The following ADAMTSL5 variants were observed in gnomAD, a reference collection of about 807,000 sequenced individuals.
The protein encoded by ADAMTSL5 is ADAMTS-like protein 5.
A neutral mutation model predicts 51.7 loss-of-function variants in ADAMTSL5; 53 were observed. The ratio of observed to expected loss-of-function variants is 1.03; its 90% confidence interval spans 0.82 to 1.29. ADAMTSL5 has a LOEUF of 1.29. Among genes scored for constraint, ADAMTSL5 ranks in the 50% most tolerant of loss-of-function variants. ADAMTSL5 has a pLI of 0.00. For synonymous variants in ADAMTSL5, 285 were observed against 278.7 expected (o/e 1.02, Z -0.23); for missense variants, 770 against 676.2 (o/e 1.14, Z -1.54).
At chr19:1,507,904 A>C in intron 7 of ADAMTSL5, 94 bp downstream of exon 7, 2 of 1,342,486 alleles carry the variant, frequency 1.5e-6, no homozygotes, top group Non-Finnish European at 2.1e-6. Context: ...TGGGCCGCAC[A>C]CTGGCCAATC....
rs767007807 is a variant in ADAMTSL5, at chr19:1,507,441, T to C, written c.689-36A>G. ...ACAGTCAGCCCTCAGGAACCTGTCG[T>C]CTCGTCTCCCAGACCCTGGGGTCCC... On this transcript the variant is annotated intron_variant, in intron 8 of 11. Transcript: ENST00000330475. 4.4e-6 allele frequency: 7 copies of C among 1,596,586 alleles called. No individual in the cohort carries two copies. In the South Asian group the frequency reaches 5.7e-5, roughly 13 times the overall value.
Position 1,508,068 on chromosome 19 carries a change from C to T in ADAMTSL5, c.531G>A (p.Glu177=). The T allele has an allele frequency of 6.2e-7, 1 of 1,610,712 alleles. No individual in the cohort carries two copies. The highest frequency in any genetic ancestry group is 8.5e-7 in the Non-Finnish European group (1 of 1,179,168). Residue 177 remains glutamate (E), a synonymous_variant, in exon 7 of 12, where the codon GAG becomes GAA. Transcript: ENST00000330475. ...CDGLLGSGAL[E]DRCGRCGGAN... ...CGCCTCCGCAGCGGCCACAGCGGTCCTCGAGGGCACCCGAGCCCAACAACC... is the reference window on the plus strand; with the variant it reads ...CGCCTCCGCAGCGGCCACAGCGGTCTTCGAGGGCACCCGAGCCCAACAACC...
At chr19:1,509,625 G>GAA (rs59413878) in intron 5 of ADAMTSL5, among the ~76,000 whole-genome samples, 13 of 128,426 alleles carry the variant, frequency 1.0e-4, no homozygotes, top group Admixed American at 2.4e-4. Flanking sequence ...AGGAAGGAAG[G>GAA]GAGGGAGGGA....
chr19:1,506,192 G>C lies in ADAMTSL5; in HGVS notation c.1239C>G (p.Gly413=). Residue 413 remains glycine, a synonymous_variant, in exon 12 of 12, where the codon GGC becomes GGG. Transcript: ENST00000330475. This position sits in a 1 kb window ranked among gnomAD's most constrained non-coding sequence, Gnocchi z 5.6. The part of the protein sequence containing the change: ...LRAREYVWAP[G]HCPCPMLAPH... ...GTGCCAGCATCGGGCAGGGGCAGTGGCCTGGCGCCCACACGTACTCGCGTG... is the reference window on the plus strand; with the variant it reads ...GTGCCAGCATCGGGCAGGGGCAGTGCCCTGGCGCCCACACGTACTCGCGTG... The C allele has an allele frequency of 6.2e-7, 1 of 1,608,596 alleles. No homozygotes were observed. Among genetic ancestry groups the C allele is most frequent in the Non-Finnish European group, 8.5e-7 (1 of 1,177,050 alleles).
rs550456872 is a variant in ADAMTSL5, at chr19:1,506,304, C to T, written c.1127G>A (p.Arg376Gln). The T allele has an allele frequency of 2.5e-5, 39 of 1,547,286 alleles. No homozygotes were observed. The highest frequency in any genetic ancestry group is 1.6e-4 in the South Asian group (13 of 80,350). ...YCGSDFVFQA[R>Q]VLGHHHQAQE... Reference sequence around the variant, plus strand: ...GGCCTGGTGGTGGTGGCCCAGCACTCGGGCCTGGAACACTGTTGAGGGGAC... The same window carrying T: ...GGCCTGGTGGTGGTGGCCCAGCACTTGGGCCTGGAACACTGTTGAGGGGAC... Residue 376 changes from arginine to glutamine, a missense_variant, in exon 12 of 12, where the codon CGA (arginine) becomes CAA (glutamine). Coordinates refer to ENST00000330475, the MANE Select transcript of ADAMTSL5 (RefSeq NM_213604.3). The surrounding 1 kb of genome is among the most constrained non-coding windows in gnomAD (Gnocchi z 5.6).
At chr19:1,509,822 G>A (rs1401987453) in intron 5 of ADAMTSL5, among the ~76,000 whole-genome samples, 2 of 152,102 alleles carry the variant, frequency 1.3e-5, no homozygotes, top group African/African-American at 2.4e-5. Context: ...GCACTGACCC[G>A]GGCACGTAGT....
chr19:1,511,053 C>T lies in ADAMTSL5; in HGVS notation c.-110G>A, dbSNP rs562134662. 2.0e-4 allele frequency: 171 copies of T among 871,888 alleles called. No individual in the cohort carries two copies. The highest frequency in any genetic ancestry group is 2.3e-4 in the Non-Finnish European group (150 of 640,558). The allele number at this position is 871,888 out of a possible 1,614,324, so 54.0% of individuals were successfully genotyped here. On this transcript the variant is annotated 5_prime_UTR_variant, in exon 2 of 12. Transcript: ENST00000330475. ...AGCCCTACCTCTCGTCTCTGAAAAA[C>T]GGGGTAATAGAGCCTCCCTTACAGG...
chr19:1,507,407 T>C lies in ADAMTSL5; in HGVS notation c.689-2A>G. 6.3e-7 allele frequency: 1 copy of C among 1,580,250 alleles called. No homozygotes were observed. Among genetic ancestry groups the C allele is most frequent in the South Asian group, 1.2e-5 (1 of 85,334 alleles). On this transcript the variant is annotated splice_acceptor_variant, in intron 8 of 11. Coordinates refer to ENST00000330475, the MANE Select transcript of ADAMTSL5 (RefSeq NM_213604.3). LOFTEE classifies it high-confidence loss of function. ...AGCGCCCATCGCCCCCCATCAGTGC[T>C]GCAAGGGAACAGTCAGCCCTCAGGA...
chr19:1,507,184 G>T, intron 9 of ADAMTSL5, 58 bp downstream of exon 9: 1 of 1,482,026 alleles, frequency 6.7e-7, no homozygotes, highest in Non-Finnish European at 9.0e-7. Context: ...TCTGTCCCCA[G>T]CCTCTCCCCT....
rs1913185332 is a variant in ADAMTSL5 at position 1,510,215 on chromosome 19, G to A, written c.296C>T (p.Ala99Val). 3.7e-6 allele frequency: 6 copies of A among 1,613,352 alleles called. No homozygotes were observed. The highest frequency in any genetic ancestry group is 5.1e-6 in the Non-Finnish European group (6 of 1,179,936). Residue 99 changes from alanine (A) to valine (V), a missense_variant, in exon 5 of 12, where the codon GCC becomes GTC. Coordinates refer to ENST00000330475, the MANE Select transcript of ADAMTSL5 (RefSeq NM_213604.3). ...GAVPFRDLQC[A>V]LYNGRPVLGT... The stretch of plus-strand genomic sequence containing the variant: ...CAGGACAGGGCGGCCATTGTACAGG[G>A]CACACTGTAGGTCTCGGAAGGGCAC...
chr19:1,510,705 A>G lies in ADAMTSL5; in HGVS notation c.125T>C (p.Val42Ala). 1 of 1,541,962 alleles carries G rather than the reference A, an allele frequency of 6.5e-7. No homozygotes were observed. Among genetic ancestry groups the G allele is most frequent in the Non-Finnish European group, 8.7e-7 (1 of 1,142,880 alleles). Residue 42 changes from valine (V) to alanine (A), a missense_variant, in exon 3 of 12, where the codon GTG becomes GCG. Val to Ala is a moderately conservative substitution (Grantham distance 64). Coordinates refer to ENST00000330475, the MANE Select transcript of ADAMTSL5 (RefSeq NM_213604.3). Reference sequence around the variant, plus strand: ...GGAGCTGGAGCAGCGGGTCCAGGACACCCACGGGGTCCACTCGCCCGGACC... The same window carrying G: ...GGAGCTGGAGCAGCGGGTCCAGGACGCCCACGGGGTCCACTCGCCCGGACC... ...AQGPGEWTPWVSWTRCSSSCG... is the reference protein window; with the variant it reads ...AQGPGEWTPWASWTRCSSSCG...
chr19:1,510,139 A>T lies in ADAMTSL5; in HGVS notation c.361+11T>A. 5.6e-6 allele frequency: 9 copies of T among 1,601,232 alleles called. No individual in the cohort carries two copies. Among genetic ancestry groups the T allele is most frequent in the Non-Finnish European group, 7.7e-6 (9 of 1,172,648 alleles). On this transcript the variant is annotated intron_variant, in intron 5 of 11. Coordinates refer to ENST00000330475, the MANE Select transcript of ADAMTSL5 (RefSeq NM_213604.3). ...GGACCAATTCTGACCACAGGAGACC[A>T]GACTACTCACCCCCATGGAAGGGCA... is the stretch of plus-strand genomic sequence containing the variant.
chr19:1,507,068 C>A (rs1912972817), intron 9 of ADAMTSL5, 140 bp from the exon 10 acceptor site: 4 of 1,251,998 alleles, frequency 3.2e-6, no homozygotes, highest in East Asian at 2.6e-5. Context: ...CCTAGCTGAT[C>A]CCCTCTGACC....
At chr19:1,511,333 G>A (rs573707616) in intron 1 of ADAMTSL5, among the ~76,000 whole-genome samples, 173 bp from the exon 2 acceptor site, 60 of 152,096 alleles carry the variant, frequency 3.9e-4, no homozygotes, top group South Asian at 1.0e-3. Context: ...CCACCACGCC[G>A]GACTAATTTT....
Position 1,506,069 on chromosome 19 carries a change from C to A in ADAMTSL5, c.1362G>T (p.Trp454Cys). The A allele has an allele frequency of 6.3e-7, 1 of 1,596,506 alleles. No individual in the cohort carries two copies. The highest frequency in any genetic ancestry group is 8.5e-7 in the Non-Finnish European group (1 of 1,175,706). The stretch of plus-strand genomic sequence containing the variant: ...GTATGCGGCTGTCCTCCGCAGGGCT[C>A]CAGGGCCGGGCGTAGCCGGCGTGGG... Reference protein sequence around the residue: ...LLPHAGYARPWSPAEDSRIRL... With the variant: ...LLPHAGYARPCSPAEDSRIRL... Residue 454 changes from tryptophan to cysteine, a missense_variant, in exon 12 of 12, where the codon TGG (tryptophan) becomes TGT (cysteine). Trp to Cys is a radical substitution (Grantham distance 215). Coordinates refer to ENST00000330475, the MANE Select transcript of ADAMTSL5 (RefSeq NM_213604.3). The surrounding 1 kb of genome is among the most constrained non-coding windows in gnomAD (Gnocchi z 5.6).
In ADAMTSL5 at chr19:1,510,266, C is replaced by G; in HGVS notation, c.253-8G>C. The G allele has an allele frequency of 1.2e-6, 2 of 1,613,182 alleles. No individual in the cohort carries two copies. Among genetic ancestry groups the G allele is most frequent in the South Asian group, 2.2e-5 (2 of 90,930 alleles). ...AGCCCCTGGGGGGCAGTCCTAGGGACAGAGATAGGTGAGCCAGAGGCTGGG... is the reference window on the plus strand; with the variant it reads ...AGCCCCTGGGGGGCAGTCCTAGGGAGAGAGATAGGTGAGCCAGAGGCTGGG... On this transcript the variant is annotated splice_region_variant and splice_polypyrimidine_tract_variant and intron_variant, in intron 4 of 11. Transcript: ENST00000330475.
In ADAMTSL5 at chr19:1,507,364, A is replaced by C. The variant is rs139253623; in HGVS notation, c.730T>G (p.Trp244Gly). The C allele has an allele frequency of 6.3e-7, 1 of 1,582,170 alleles. No homozygotes were observed. The highest frequency in any genetic ancestry group is 8.6e-7 in the Non-Finnish European group (1 of 1,163,070). ...TAGGTCCCTGGTGGGCTGACCACCCAGTGCCCATTAAGCACGTAGCGCCCA... is the reference window on the plus strand; with the variant it reads ...TAGGTCCCTGGTGGGCTGACCACCCCGTGCCCATTAAGCACGTAGCGCCCA... ...GDGRYVLNGH[W>G]VVSPPGTYEA... The change falls in exon 9 of 12, where the codon TGG becomes GGG. Residue 244 changes from tryptophan to glycine, a missense_variant. By Grantham distance (184) the Trp-to-Gly change is radical. Transcript: ENST00000330475.
rs1912862716 is a variant in ADAMTSL5 at position 1,505,354 on chromosome 19, C to T, written c.*661G>A. ...CCGCACTTCAGCCTAGGTGACAGAGCAAGGGTCTACCTCAGAAAAAAAAAA... is the reference window on the plus strand; with the variant it reads ...CCGCACTTCAGCCTAGGTGACAGAGTAAGGGTCTACCTCAGAAAAAAAAAA... On this transcript the variant is annotated 3_prime_UTR_variant, in exon 12 of 12. Coordinates refer to ENST00000330475, the MANE Select transcript of ADAMTSL5 (RefSeq NM_213604.3). 7.1e-6 allele frequency: 1 copy of T among 141,364 alleles called. No individual in the cohort carries two copies. The highest frequency in any genetic ancestry group is 2.6e-5 in the African/African-American group (1 of 37,844). 8.8% of individuals were successfully genotyped at this position (141,364 alleles called of 1,614,324 possible).
rs1353936610 is a variant in ADAMTSL5, at chr19:1,508,051, C to T, written c.548G>A (p.Cys183Tyr). Residue 183 changes from cysteine to tyrosine, a missense_variant, in exon 7 of 12, where the codon TGC (cysteine) becomes TAC (tyrosine). Cys to Tyr is a radical substitution (Grantham distance 194, BLOSUM62 -2). Coordinates refer to ENST00000330475, the MANE Select transcript of ADAMTSL5 (RefSeq NM_213604.3). The part of the protein sequence containing the change: ...SGALEDRCGR[C>Y]GGANDSCLFV... ...AAGGCACGAGTCGTTGGCGCCTCCG[C>T]AGCGGCCACAGCGGTCCTCGAGGGC... 6.2e-7 allele frequency: 1 copy of T among 1,609,842 alleles called. No individual in the cohort carries two copies. The highest frequency in any genetic ancestry group is 2.2e-5 in the East Asian group (1 of 44,784).
Sources: allele counts gnomAD v4.1 joint callset (sites outside exome capture counted in the v4.1 genomes callset), GRCh38; gene constraint gnomAD v4.1.1; non-coding constraint Gnocchi (gnomAD v3.1); transcripts MANE v1.5; gene names NCBI Gene and HGNC (gene_info 2026-07-23, HGNC 2026-07-21).